The following CDR2L variants were observed in gnomAD, a reference collection of about 807,000 sequenced individuals.
CDR2L encodes the protein cerebellar degeneration related protein 2 like.
Under a neutral mutation model 36.1 loss-of-function variants are expected in CDR2L, and 19 were observed. The ratio of observed to expected loss-of-function variants is 0.53; its 90% CI spans 0.37 to 0.77. The LOEUF (loss-of-function observed/expected upper bound fraction) is 0.77, where lower values mean the gene tolerates loss of function less well. Among genes scored for constraint, CDR2L ranks in the 30% least tolerant of loss-of-function variants. The pLI, the probability that CDR2L is intolerant of heterozygous loss-of-function variation, is 0.00. For missense variants in CDR2L, 575 were observed against 627.2 expected, an observed-to-expected ratio of 0.92 and a Z score of 0.89; for synonymous variants, 285 against 280.4, an observed-to-expected ratio of 1.02 and a Z score of -0.16.
Position 75,001,405 on chromosome 17 carries a change from A to G in CDR2L, c.257A>G (p.Gln86Arg). 6.2e-7 allele frequency: 1 copy of G among 1,611,330 alleles called. No homozygotes were observed. The highest frequency in any genetic ancestry group is 8.5e-7 in the Non-Finnish European group (1 of 1,179,068). Residue 86 changes from glutamine to arginine, a missense_variant, in exon 3 of 5, where the codon CAG becomes CGG. Physicochemically the swap from Gln to Arg is conservative, Grantham distance 43 (BLOSUM62 1). Coordinates refer to ENST00000337231, the MANE Select transcript of CDR2L (RefSeq NM_014603.3). ...GAGCAGCACGCCAAAGTCTATGAGCAGCTGGACCTGACAGCCCGGGACCTG... is the reference window on the plus strand; with the variant it reads ...GAGCAGCACGCCAAAGTCTATGAGCGGCTGGACCTGACAGCCCGGGACCTG... ...VNEQHAKVYE[Q>R]LDLTARDLEL...
In CDR2L at chr17:75,003,888, TGAG is replaced by T. The variant is rs771635615; in HGVS notation, c.1217_1219del (p.Glu406del). 2 of 1,601,350 alleles carry T rather than the reference TGAG, an allele frequency of 1.2e-6. No homozygotes were observed. The highest frequency in any genetic ancestry group is 2.2e-5 in the South Asian group (2 of 88,958). ...GCTCGTGGAGGGACCTGCGCGGGGG[TGAG>T]GAGGGCCAGGGTGAGGTCAAGGCAG... On this transcript the variant is annotated inframe_deletion, in exon 5 of 5. Transcript: ENST00000337231.
chr17:74,991,908 G>A (rs1320845644), intron 1 of CDR2L, among the ~76,000 whole-genome samples: 1 of 152,064 alleles, frequency 6.6e-6, no homozygotes, highest in African/African-American at 2.4e-5. Context: ...CTGCCTAGCT[G>A]ACCTTGAGTC....
At chr17:74,995,049 G>A (rs1344219993) in intron 1 of CDR2L, among the ~76,000 whole-genome samples, 15 of 146,882 alleles carry the variant, frequency 1.0e-4, no homozygotes, top group African/African-American at 3.3e-4. Context: ...CCAGCCTGGC[G>A]ACAGAGTGAG....
Position 75,003,208 on chromosome 17 carries a change from A to C in CDR2L, c.532A>C (p.Ser178Arg), listed in dbSNP as rs2039877629. 6.4e-7 allele frequency: 1 copy of C among 1,566,368 alleles called. No individual in the cohort carries two copies. The highest frequency in any genetic ancestry group is 1.4e-5 in the African/African-American group (1 of 73,604). Reference sequence around the variant, plus strand: ...GTGCAAGGATGCTTTCCGCCTACACAGTTCCTCCCTGGAGCTGGGCCCGCG... The same window carrying C: ...GTGCAAGGATGCTTTCCGCCTACACCGTTCCTCCCTGGAGCTGGGCCCGCG... ...PRCKDAFRLHSSSLELGPRPL... is the reference protein window; with the variant it reads ...PRCKDAFRLHRSSLELGPRPL... Residue 178 changes from serine (S) to arginine (R), a missense_variant, in exon 5 of 5, where the codon AGT becomes CGT. By Grantham distance (110) the Ser-to-Arg change is moderately radical. Transcript: ENST00000337231.
At position 74,989,713 on chromosome 17, in the gene CDR2L, G is replaced by A. The variant is rs1346353554; in HGVS notation, c.79+1591G>A. ...TCTGTCACCCAGGTTGGAGTGTAAT[G>A]GTGCGATCTCAGCTCACTGCAACCT... is the stretch of plus-strand genomic sequence containing the variant. On this transcript the variant is annotated intron_variant, in intron 1 of 4. Coordinates refer to ENST00000337231, the MANE Select transcript of CDR2L (RefSeq NM_014603.3). The surrounding 1 kb of genome is among the most constrained non-coding windows in gnomAD (Gnocchi z 4.2). Among the ~76,000 whole-genome samples the A allele has an allele frequency of 6.6e-6, 1 of 151,854 alleles. No individual in the cohort carries two copies. Among genetic ancestry groups the A allele is most frequent in the Admixed American group, 6.6e-5 (1 of 15,248 alleles).
Position 74,997,986 on chromosome 17 carries a change from C to T in CDR2L, c.80-1518C>T, listed in dbSNP as rs556586165. Reference sequence around the variant, plus strand: ...CTGTAATCCCAGCACTTTGGGAGGCCGAGGCGGGTGGATCACGAGGTCAGG... The same window carrying T: ...CTGTAATCCCAGCACTTTGGGAGGCTGAGGCGGGTGGATCACGAGGTCAGG... On this transcript the variant is annotated intron_variant, in intron 1 of 4. Transcript: ENST00000337231. 1.8e-3 allele frequency among the ~76,000 whole-genome samples: 267 copies of T among 150,790 alleles called. 1 individual carries two copies. Among genetic ancestry groups the T allele is most frequent in the Middle Eastern group, 7.0e-3 (2 of 284 alleles).
intron 1 of CDR2L, among the ~76,000 whole-genome samples, chr17:74,994,712 C>T (rs1426150268): frequency 1.3e-5 from 2 of 151,902 alleles, no homozygotes; most frequent in African/African-American, 4.8e-5. Flanking sequence ...CTCAAGCAGT[C>T]CTCCCACATC....
intron 1 of CDR2L, among the ~76,000 whole-genome samples, chr17:74,991,590 G>A (rs1240186550): frequency 6.6e-6 from 1 of 151,898 alleles, no homozygotes; most frequent in Non-Finnish European, 1.5e-5. Flanking sequence ...GGTGGCGGGC[G>A]CCTGTAGTCC....
chr17:74,997,199 C>T (rs1044902250), intron 1 of CDR2L, among the ~76,000 whole-genome samples: 2 of 151,890 alleles, frequency 1.3e-5, no homozygotes, highest in African/African-American at 4.8e-5. Context: ...CTGCCTCAGC[C>T]TCCCAAGTAG....
chr17:74,994,049 C>T (rs2144858566), intron 1 of CDR2L, among the ~76,000 whole-genome samples: 1 of 152,352 alleles, frequency 6.6e-6, no homozygotes, highest in African/African-American at 2.4e-5. Context: ...CCAAGAGTCA[C>T]TGCTTGCCTG....
rs375568972 is a variant in CDR2L at position 74,999,486 on chromosome 17, G to C, written c.80-18G>C. 1.3e-6 allele frequency: 2 copies of C among 1,507,592 alleles called. No homozygotes were observed. The highest frequency in any genetic ancestry group is 4.9e-5 in the East Asian group (2 of 41,216). The allele number at this position is 1,507,592 out of a possible 1,614,324, so 93.4% of individuals were successfully genotyped here. ...GTCCTCTGCCTTTGTTCTCATGCTC[G>C]TGTTTCTCCTATCCTAGACTTGCAC... On this transcript the variant is annotated intron_variant, in intron 1 of 4. Coordinates refer to ENST00000337231, the MANE Select transcript of CDR2L (RefSeq NM_014603.3).
rs568143238 is a variant in CDR2L, at chr17:74,989,366, C to T, written c.79+1244C>T. Among the ~76,000 whole-genome samples the T allele has an allele frequency of 1.1e-3, 170 of 150,966 alleles. No individual in the cohort carries two copies. Among genetic ancestry groups the T allele is most frequent in the Admixed American group, 1.9e-3 (29 of 15,126 alleles). On this transcript the variant is annotated intron_variant, in intron 1 of 4. Transcript: ENST00000337231. This position sits in a 1 kb window ranked among gnomAD's most constrained non-coding sequence, Gnocchi z 4.2. ...CCTGCCATGGTCTGTGCCCTGGACT[C>T]TGGCCTCAGCCTCCTTGGCTGAAAT...
Position 74,987,850 on chromosome 17 carries a change from G to A in CDR2L, c.-194G>A, listed in dbSNP as rs1475817749. On this transcript the variant is annotated 5_prime_UTR_variant, in exon 1 of 5. Transcript: ENST00000337231. Reference sequence around the variant, plus strand: ...CCCCGGCTCTGCGGGACCCCGGCCGGGCCGGACCCTGGCAAAGCGCCAGGC... The same window carrying A: ...CCCCGGCTCTGCGGGACCCCGGCCGAGCCGGACCCTGGCAAAGCGCCAGGC... 3.7e-6 allele frequency: 1 copy of A among 273,190 alleles called. No homozygotes were observed. The highest frequency in any genetic ancestry group is 2.2e-5 in the African/African-American group (1 of 44,484). 16.9% of individuals were successfully genotyped at this position (273,190 alleles called of 1,614,324 possible).
At chr17:74,995,504 G>T (rs531631912) in intron 1 of CDR2L, among the ~76,000 whole-genome samples, 1 of 149,898 alleles carries the variant, frequency 6.7e-6, no homozygotes, top group African/African-American at 2.5e-5. Flanking sequence ...GTTGTTGTTT[G>T]TTTGTTTGTT....
chr17:75,003,748 G>A lies in CDR2L; in HGVS notation c.1072G>A (p.Glu358Lys), dbSNP rs1384656069. ...CATGTCCATCCTGCGGGAGGTGGAC[G>A]AGCAGTACCACGCGCTGCTGGAGAA... is the stretch of plus-strand genomic sequence containing the variant. ...RGMSILREVDEQYHALLEKYE... is the reference protein window; with the variant it reads ...RGMSILREVDKQYHALLEKYE... The change falls in exon 5 of 5, where the codon GAG becomes AAG. Residue 358 changes from glutamate (E) to lysine (K), a missense_variant. Physicochemically the swap from Glu to Lys is moderately conservative, Grantham distance 56 (BLOSUM62 1). Transcript: ENST00000337231. 2.7e-6 allele frequency: 4 copies of A among 1,484,420 alleles called. No individual in the cohort carries two copies. Among genetic ancestry groups the A allele is most frequent in the Admixed American group, 4.8e-5 (2 of 42,028 alleles). The allele number at this position is 1,484,420 out of a possible 1,614,324, so 92.0% of individuals were successfully genotyped here. A position where few individuals can be genotyped will look rare whatever the true frequency, so the allele number is the denominator to read the frequency against.
intron 4 of CDR2L, 91 bp from the exon 5 acceptor site, chr17:75,003,092 C>G: frequency 7.5e-7 from 1 of 1,340,646 alleles, no homozygotes; most frequent in Non-Finnish European, 1.0e-6. Flanking sequence ...GAGATGTAAG[C>G]GCCCTGGCTG....
chr17:75,000,686 G>A (rs556566105), intron 2 of CDR2L, among the ~76,000 whole-genome samples: 1 of 149,742 alleles, frequency 6.7e-6, no homozygotes, highest in African/African-American at 2.4e-5. Context: ...AGGCCAAGGC[G>A]GGCAGATCAC....
chr17:74,994,718 A>G (rs2144859136), intron 1 of CDR2L, among the ~76,000 whole-genome samples: 1 of 151,984 alleles, frequency 6.6e-6, no homozygotes, highest in African/African-American at 2.4e-5. Flanking sequence ...CAGTCCTCCC[A>G]CATCAACTTC....
At chr17:74,997,315 G>A (rs956009929) in intron 1 of CDR2L, among the ~76,000 whole-genome samples, 2 of 152,072 alleles carry the variant, frequency 1.3e-5, no homozygotes, top group African/African-American at 4.8e-5. Context: ...CTGACCTCAA[G>A]TGATCTTCCC....
Sources: gnomAD v4.1 joint callset for allele counts (sites outside exome capture counted in the v4.1 genomes callset) on GRCh38, gnomAD v4.1.1 for gene constraint, Gnocchi (gnomAD v3.1) non-coding constraint, MANE v1.5 for transcripts, NCBI Gene and HGNC (gene_info 2026-07-23, HGNC 2026-07-21) for gene names.